The following PWWP3B variants were observed in gnomAD, a reference collection of about 807,000 sequenced individuals.
PWWP3B encodes PWWP domain-containing DNA repair factor 3B.
A neutral mutation model predicts 15.7 loss-of-function variants in PWWP3B; 5 were observed. The observed-to-expected ratio is 0.32, with a 90% CI of 0.17 to 0.67. The LOEUF is 0.67. PWWP3B is among the 30% of genes least tolerant of loss of function. The probability of loss-of-function intolerance (pLI) is 0.74; values close to 1 mark genes in which losing one functional copy is unlikely to be tolerated. For synonymous variants in PWWP3B, 203 were observed against 179.8 expected (o/e 1.13, Z -1.03); for missense variants, 519 against 493.1 (o/e 1.05, Z -0.50).
intron 3 of PWWP3B, among the ~76,000 whole-genome samples, chrX:106,204,884 A>G (rs960186010): frequency 9.0e-6 from 1 of 111,580 alleles, no homozygotes; most frequent in Non-Finnish European, 1.9e-5. Context: ...GTATGACATT[A>G]GGGACACAAA....
rs112556019 is a variant in PWWP3B at position 106,208,875 on chromosome X, A to T, written c.*1352A>T. The T allele has an allele frequency of 1.6e-5, 2 of 123,326 alleles. No individual in the cohort carries two copies. Among genetic ancestry groups the T allele is most frequent in the African/African-American group, 6.5e-5 (2 of 30,859 alleles). 10.2% of individuals were successfully genotyped at this position (123,326 alleles called of 1,213,427 possible). On this transcript the variant is annotated 3_prime_UTR_variant, in exon 4 of 4. Coordinates refer to ENST00000357175, the MANE Select transcript of PWWP3B (RefSeq NM_001171020.2). ...CAATGGTTGCTCTTGGGCTCTTGTT[A>T]TACAGTCATATGGCTACACGTTTAT...
At chrX:106,173,877 G>C (rs1921752182) in intron 2 of PWWP3B, among the ~76,000 whole-genome samples, 1 of 111,553 alleles carries the variant, frequency 9.0e-6, no homozygotes, top group Non-Finnish European at 1.9e-5. Context: ...TAGCATTGTT[G>C]TCAAGGATTG....
intron 2 of PWWP3B, among the ~76,000 whole-genome samples, chrX:106,182,364 T>C (rs1922257782): frequency 9.0e-6 from 1 of 111,220 alleles, no homozygotes; most frequent in African/African-American, 3.3e-5. Flanking sequence ...TGAGGGGCAC[T>C]GATAGGGTCT....
In PWWP3B at chrX:106,206,435, A is replaced by G. The variant is rs376429841; in HGVS notation, c.1003A>G (p.Ser335Gly). 1 of 1,209,871 alleles carries G rather than the reference A, an allele frequency of 8.3e-7. No homozygotes were observed. Among genetic ancestry groups the G allele is most frequent in the Non-Finnish European group, 1.1e-6 (1 of 894,568 alleles). ...NPVWDYSHLM[S>G]SERNFQRLDF... Reference sequence around the variant, plus strand: ...TGTCTGGGATTATTCACATCTTATGAGTAGTGAAAGAAATTTTCAGAGACT... The same window carrying G: ...TGTCTGGGATTATTCACATCTTATGGGTAGTGAAAGAAATTTTCAGAGACT... The change falls in exon 4 of 4, where the codon AGT (serine) becomes GGT (glycine). Residue 335 changes from serine to glycine, a missense_variant. By Grantham distance (56) the Ser-to-Gly change is moderately conservative (BLOSUM62 0). Coordinates refer to ENST00000357175, the MANE Select transcript of PWWP3B (RefSeq NM_001171020.2).
At chrX:106,170,653 T>C (rs1288704945) in intron 1 of PWWP3B, among the ~76,000 whole-genome samples, 1 of 111,660 alleles carries the variant, frequency 9.0e-6, no homozygotes, top group African/African-American at 3.3e-5. Context: ...ATTCAAAATA[T>C]TATAAATATC....
At chrX:106,190,638 A>G (rs1460189720) in intron 2 of PWWP3B, among the ~76,000 whole-genome samples, 2 of 111,704 alleles carry the variant, frequency 1.8e-5, no homozygotes, top group Non-Finnish European at 3.8e-5. Context: ...GTCCTGAATG[A>G]TATTGCCTAA....
chrX:106,193,464 G>A (rs1417051360), intron 2 of PWWP3B, among the ~76,000 whole-genome samples: 1 of 111,792 alleles, frequency 8.9e-6, no homozygotes, highest in Non-Finnish European at 1.9e-5. Flanking sequence ...CCTGAATACA[G>A]CACACTGATG....
intron 2 of PWWP3B, among the ~76,000 whole-genome samples, chrX:106,191,006 T>C (rs1922906051): frequency 9.0e-6 from 1 of 111,256 alleles, no homozygotes; most frequent in South Asian, 3.8e-4. Context: ...TCTTTTGGCT[T>C]AGGATTGACT....
chrX:106,190,121 T>C (rs1193617270), intron 2 of PWWP3B, among the ~76,000 whole-genome samples: 1 of 111,387 alleles, frequency 9.0e-6, no homozygotes, highest in South Asian at 3.8e-4. Flanking sequence ...ATCGCCACAC[T>C]GACTTCCACA....
chrX:106,171,157 C>T lies in PWWP3B; in HGVS notation c.-401+18C>T, dbSNP rs999737450. ...ATGTAACAGTGAGTAAGACTCTTCC[C>T]ATTTCACAAAACATTTCACGGTATA... On this transcript the variant is annotated intron_variant, in intron 2 of 3. Transcript: ENST00000357175. 5.4e-5 allele frequency: 6 copies of T among 111,350 alleles called. No homozygotes were observed. The highest frequency in any genetic ancestry group is 1.1e-4 in the Non-Finnish European group (6 of 53,069). 9.2% of individuals were successfully genotyped at this position (111,350 alleles called of 1,213,427 possible). A position where few individuals can be genotyped will look rare whatever the true frequency, so the allele number is the denominator to read the frequency against.
At chrX:106,182,559 T>C (rs1396159710) in intron 2 of PWWP3B, among the ~76,000 whole-genome samples, 1 of 111,629 alleles carries the variant, frequency 9.0e-6, no homozygotes, top group East Asian at 2.9e-4. Flanking sequence ...TTTCCCATAC[T>C]AATAGAGTAC....
intron 2 of PWWP3B, among the ~76,000 whole-genome samples, chrX:106,173,730 ACT>A (rs746867095): frequency 4.5e-5 from 5 of 111,206 alleles, no homozygotes; most frequent in African/African-American, 6.5e-5. Context: ...AGTAGCTAAA[ACT>A]CTTTTTATTA....
rs779819357 is a variant in PWWP3B at position 106,205,803 on chromosome X, A to G, written c.371A>G (p.Lys124Arg). 1.1e-5 allele frequency: 13 copies of G among 1,209,576 alleles called. No individual in the cohort carries two copies. In the African/African-American group the frequency reaches 2.3e-4, roughly 21 times the overall value. ...ATGCTGTCTCAAAATGTACCACAAA[A>G]ACAGTCCGATTCACCCCCTCATAAA... ...ITMLSQNVPQ[K>R]QSDSPPHKKY... Residue 124 changes from lysine (K) to arginine (R), a missense_variant, in exon 4 of 4, where the codon AAA (lysine) becomes AGA (arginine). By Grantham distance (26) the Lys-to-Arg change is conservative. Coordinates refer to ENST00000357175, the MANE Select transcript of PWWP3B (RefSeq NM_001171020.2).
At chrX:106,199,981 T>C (rs1441226701) in intron 2 of PWWP3B, among the ~76,000 whole-genome samples, 4 of 111,863 alleles carry the variant, frequency 3.6e-5, no homozygotes, top group Non-Finnish European at 7.5e-5. Context: ...TACATGTTTG[T>C]CAACCTCTGT....
chrX:106,199,400 T>G (rs1923569082), intron 2 of PWWP3B, among the ~76,000 whole-genome samples: 1 of 111,546 alleles, frequency 9.0e-6, no homozygotes. Flanking sequence ...GTTCTAGTAC[T>G]AGAAAAAAAG....
intron 2 of PWWP3B, among the ~76,000 whole-genome samples, chrX:106,179,839 G>A (rs1312113246): frequency 8.9e-6 from 1 of 112,149 alleles, no homozygotes; most frequent in Non-Finnish European, 1.9e-5. Flanking sequence ...TAAATTAAAA[G>A]CCACAGATTC....
intron 2 of PWWP3B, among the ~76,000 whole-genome samples, chrX:106,188,815 A>G (rs1922683606): frequency 8.9e-6 from 1 of 112,623 alleles, no homozygotes; most frequent in African/African-American, 3.2e-5. Context: ...TTTTTAAAAT[A>G]TTCACCAATG....
rs373270597 is a variant in PWWP3B, at chrX:106,205,459, C to A, written c.27C>A (p.Asn9Lys). The change falls in exon 4 of 4, where the codon AAC becomes AAA. Residue 9 changes from asparagine to lysine, a missense_variant. Physicochemically the swap from Asn to Lys is moderately conservative, Grantham distance 94 (BLOSUM62 0). Coordinates refer to ENST00000357175, the MANE Select transcript of PWWP3B (RefSeq NM_001171020.2). ...TGGAGTCTGAGTATGTCCTATGCAA[C>A]TGGAAAGACCAGTTGTGGCCAGCAA... MESEYVLC[N>K]WKDQLWPAKV... The A allele has an allele frequency of 1.2e-5, 14 of 1,176,310 alleles. No individual in the cohort carries two copies. In the Middle Eastern group the frequency reaches 7.1e-4, roughly 60 times the overall value.
rs199770209 is a variant in PWWP3B, at chrX:106,207,294, A to T, written c.1862A>T (p.Asp621Val). ...KYLQEVCNQI[D>V]QIMPTWIKDD... is the part of the protein sequence containing the mutation. ...TTACAAGAAGTCTGCAATCAAATAG[A>T]TCAAATAATGCCAACTTGGATAAAA... Residue 621 changes from aspartate (D) to valine (V), a missense_variant, in exon 4 of 4, where the codon GAT becomes GTT. Transcript: ENST00000357175. The T allele has an allele frequency of 6.8e-5, 82 of 1,208,015 alleles. No individual in the cohort carries two copies. The highest frequency in any genetic ancestry group is 4.6e-4 in the Middle Eastern group (2 of 4,370).
Sources: gnomAD v4.1 joint callset for allele counts (sites outside exome capture counted in the v4.1 genomes callset) on GRCh38, gnomAD v4.1.1 for gene constraint, MANE v1.5 for transcripts, NCBI Gene and HGNC (gene_info 2026-07-23, HGNC 2026-07-21) for gene names.